RASGRF2: variants seen among roughly 807,000 people sequenced by gnomAD.
RASGRF2 encodes Ras protein specific guanine nucleotide releasing factor 2, also known as ras-specific guanine nucleotide-releasing factor 2.
A neutral mutation model predicts 151.0 loss-of-function variants in RASGRF2; 76 were observed. That is an observed-to-expected ratio of 0.50 (90% CI 0.42 to 0.61). RASGRF2 has a LOEUF of 0.61. Among genes scored for constraint, RASGRF2 ranks in the 20% least tolerant of loss-of-function variants. The pLI is 0.00. For synonymous variants in RASGRF2, 504 were observed against 566.5 expected (o/e 0.89, Z 1.57); for missense variants, 1,148 against 1,564.6 (o/e 0.73, Z 4.49).
At position 80,960,801 on chromosome 5, in the gene RASGRF2, G is replaced by A; in HGVS notation, c.63G>A (p.Lys21=). 1 of 1,613,474 alleles carries A rather than the reference G, an allele frequency of 6.2e-7. No individual in the cohort carries two copies. Among genetic ancestry groups the A allele is most frequent in the African/African-American group, 1.3e-5 (1 of 75,038 alleles). ...HALYLAFLAR[K]EGTKRGFLSK... is the part of the protein sequence containing the mutation. ...TGTACCTGGCCTTTCTGGCGCGCAA[G>A]GAGGGCACCAAGCGCGGCTTCCTGA... is the stretch of plus-strand genomic sequence containing the variant. The change falls in exon 1 of 27, where the codon AAG becomes AAA. Residue 21 remains lysine (K), a synonymous_variant. Coordinates refer to ENST00000265080, the MANE Select transcript of RASGRF2 (RefSeq NM_006909.3). The surrounding 1 kb of genome is among the most constrained non-coding windows in gnomAD (Gnocchi z 5.5).
intron 9 of RASGRF2, among the ~76,000 whole-genome samples, chr5:81,091,889 G>A (rs1752399888): frequency 6.6e-6 from 1 of 152,158 alleles, no homozygotes; most frequent in Admixed American, 6.5e-5. Context: ...CCTGCAGAAG[G>A]CTGCATTTGG....
In RASGRF2 at chr5:81,207,247, C is replaced by T. The variant is rs763935545; in HGVS notation, c.2969C>T (p.Thr990Ile). Residue 990 changes from threonine to isoleucine, a missense_variant and splice_region_variant, in exon 21 of 27, where the codon ACT becomes ATT. Thr to Ile is a moderately conservative substitution (Grantham distance 89, BLOSUM62 -1). Coordinates refer to ENST00000265080, the MANE Select transcript of RASGRF2 (RefSeq NM_006909.3). ...ATTTCCCTCCCTCATCTCTTGCAGA[C>T]TGACTGCATGAAGGCCGAATGCTTT... ...HLKLEDIIQM[T>I]DCMKAECFES... 1.1e-5 allele frequency: 18 copies of T among 1,613,932 alleles called. No homozygotes were observed. Among genetic ancestry groups the T allele is most frequent in the African/African-American group, 2.7e-5 (2 of 74,928 alleles).
chr5:81,142,574 T>A (rs1311942459), intron 17 of RASGRF2, among the ~76,000 whole-genome samples: 1 of 152,178 alleles, frequency 6.6e-6, no homozygotes, highest in African/African-American at 2.4e-5. Flanking sequence ...ACCCTTGCCT[T>A]ATTTCTTATT....
intron 1 of RASGRF2, among the ~76,000 whole-genome samples, chr5:81,033,022 A>C (rs1332436970): frequency 2.0e-5 from 3 of 152,086 alleles, no homozygotes; most frequent in Non-Finnish European, 4.4e-5. Flanking sequence ...CAGAGAGCCA[A>C]ATCATCAGTG....
At chr5:81,020,672 G>T (rs1243884859) in intron 1 of RASGRF2, among the ~76,000 whole-genome samples, 2 of 152,184 alleles carry the variant, frequency 1.3e-5, no homozygotes, top group East Asian at 3.9e-4. Flanking sequence ...TCCAGGGGAG[G>T]ATTCTCTTGG....
intron 17 of RASGRF2, among the ~76,000 whole-genome samples, chr5:81,146,729 G>T (rs759510091): frequency 6.6e-6 from 1 of 152,130 alleles, no homozygotes; most frequent in South Asian, 2.1e-4. Flanking sequence ...CTGTTGGAAA[G>T]GCTCCCAGAA....
chr5:81,136,026 A>G (rs1015429034), intron 17 of RASGRF2, among the ~76,000 whole-genome samples: 5 of 152,102 alleles, frequency 3.3e-5, no homozygotes, highest in African/African-American at 1.2e-4. Flanking sequence ...TATTATTAAT[A>G]TTTTGAGATG....
At chr5:81,192,243 C>T (rs1755167859) in intron 18 of RASGRF2, among the ~76,000 whole-genome samples, 1 of 152,200 alleles carries the variant, frequency 6.6e-6, no homozygotes, top group Non-Finnish European at 1.5e-5. Context: ...CATATATTTT[C>T]TCTACATTCT....
At chr5:81,041,041 C>T (rs532808490) in intron 1 of RASGRF2, among the ~76,000 whole-genome samples, 86 of 152,260 alleles carry the variant, frequency 5.6e-4, no homozygotes, top group South Asian at 1.0e-3. Context: ...CAGAGGCTCA[C>T]GCCTGTAATC....
At chr5:81,083,396 AGAG>A (rs1397352661) in intron 7 of RASGRF2, among the ~76,000 whole-genome samples, 4 of 151,670 alleles carry the variant, frequency 2.6e-5, no homozygotes, top group Non-Finnish European at 4.4e-5. Flanking sequence ...AGGGGAAGAG[AGAG>A]GAGGAGAGGC....
intron 1 of RASGRF2, among the ~76,000 whole-genome samples, chr5:80,969,900 C>T (rs1353070125): frequency 7.4e-6 from 1 of 134,736 alleles, no homozygotes; most frequent in Non-Finnish European, 1.5e-5. Flanking sequence ...GATCTTGGCT[C>T]ACTGCAACCT....
intron 17 of RASGRF2, among the ~76,000 whole-genome samples, chr5:81,133,409 TA>T (rs1753674151): frequency 6.6e-6 from 1 of 152,182 alleles, no homozygotes; most frequent in African/African-American, 2.4e-5. Context: ...GAGCTCTGCA[TA>T]AAGTAGAAAT....
At chr5:81,108,604 A>G (rs900627273) in intron 12 of RASGRF2, among the ~76,000 whole-genome samples, 1 of 152,234 alleles carries the variant, frequency 6.6e-6, no homozygotes, top group Non-Finnish European at 1.5e-5. Flanking sequence ...TGGTTGCAGA[A>G]AATGAATATA....
At chr5:81,029,958 A>G (rs1750178527) in intron 1 of RASGRF2, among the ~76,000 whole-genome samples, 1 of 152,226 alleles carries the variant, frequency 6.6e-6, no homozygotes, top group South Asian at 2.1e-4. Flanking sequence ...AAGACCTTAA[A>G]TGACCTGATG....
intron 13 of RASGRF2, among the ~76,000 whole-genome samples, chr5:81,111,786 C>A (rs976314002): frequency 6.6e-6 from 1 of 152,022 alleles, no homozygotes; most frequent in Non-Finnish European, 1.5e-5. Context: ...AAATACCTAA[C>A]CCTATATCCA....
At position 81,228,198 on chromosome 5, in the gene RASGRF2, G is replaced by C. The variant is rs959290160; in HGVS notation, c.*2428G>C. 2 of 152,216 alleles carry C rather than the reference G, an allele frequency of 1.3e-5. No individual in the cohort carries two copies. Among genetic ancestry groups the C allele is most frequent in the African/African-American group, 4.8e-5 (2 of 41,438 alleles). The allele number at this position is 152,216 out of a possible 1,614,324, so 9.4% of individuals were successfully genotyped here. A position where few individuals can be genotyped will look rare whatever the true frequency, so the allele number is the denominator to read the frequency against. On this transcript the variant is annotated 3_prime_UTR_variant, in exon 27 of 27. Transcript: ENST00000265080. Reference sequence around the variant, plus strand: ...GCCTCTCAAGCAGCTGGGACTGCAGGGGTGTGCCACTCACTAGCCTTTCGC... The same window carrying C: ...GCCTCTCAAGCAGCTGGGACTGCAGCGGTGTGCCACTCACTAGCCTTTCGC...
At chr5:81,183,700 G>A (rs994124842) in intron 18 of RASGRF2, among the ~76,000 whole-genome samples, 4 of 152,192 alleles carry the variant, frequency 2.6e-5, no homozygotes, top group African/African-American at 9.7e-5. Flanking sequence ...AGAGGGAACA[G>A]CAGCCCAGAG....
In RASGRF2 at chr5:81,055,620, G is replaced by A. The variant is rs535351049; in HGVS notation, c.396-12412G>A. The stretch of plus-strand genomic sequence containing the variant: ...TGTGTGTGTGTCTCTGCCAGGCTTT[G>A]GTATCAGGATGACGCTGGCATCATA... On this transcript the variant is annotated intron_variant, in intron 2 of 26. Transcript: ENST00000265080. Among the ~76,000 whole-genome samples the A allele has an allele frequency of 1.2e-4, 18 of 152,202 alleles. No individual in the cohort carries two copies. The South Asian group carries it at 1.7e-3, about 14-fold the overall frequency.
intron 12 of RASGRF2, among the ~76,000 whole-genome samples, chr5:81,105,325 C>G (rs1474513191): frequency 2.0e-5 from 3 of 152,272 alleles, no homozygotes; most frequent in Non-Finnish European, 2.9e-5. Context: ...GGTTAAATCT[C>G]TGCCTTCTGA....
Sources: gnomAD v4.1 joint callset for allele counts (sites outside exome capture counted in the v4.1 genomes callset) on GRCh38, gnomAD v4.1.1 for gene constraint, Gnocchi (gnomAD v3.1) non-coding constraint, MANE v1.5 for transcripts, NCBI Gene and HGNC (gene_info 2026-07-23, HGNC 2026-07-21) for gene names.